Variants in DYNC2LI1 observed in about 807,000 individuals in gnomAD.
DYNC2LI1 encodes cytoplasmic dynein 2 light intermediate chain 1.
In DYNC2LI1, 45 loss-of-function variants were observed where a neutral mutation model predicts 51.9. The observed-to-expected ratio is 0.87, with a 90% CI of 0.68 to 1.11. The LOEUF (loss-of-function observed/expected upper bound fraction) is 1.11, where lower values mean the gene tolerates loss of function less well. Ranked by LOEUF, DYNC2LI1 falls within the 50% of genes most tolerant of loss-of-function variation. DYNC2LI1 has a pLI of 0.00. For synonymous variants in DYNC2LI1, 130 were observed against 137.8 expected, an observed-to-expected ratio of 0.94 and a Z score of 0.40; for missense variants, 490 against 417.4, an observed-to-expected ratio of 1.17 and a Z score of -1.51.
chr2:43,800,196 C>CA (rs1232480117), intron 8 of DYNC2LI1, among the ~76,000 whole-genome samples: 1 of 152,146 alleles, frequency 6.6e-6, no homozygotes, highest in Non-Finnish European at 1.5e-5. Context: ...CATCTGATGT[C>CA]ACAGCTTAAT....
At chr2:43,807,399 G>A (rs909623170) in intron 12 of DYNC2LI1, among the ~76,000 whole-genome samples, 1 of 152,046 alleles carries the variant, frequency 6.6e-6, no homozygotes, top group Non-Finnish European at 1.5e-5. Context: ...AAGGGAATGC[G>A]AATGTGGAAA....
Position 43,794,573 on chromosome 2 carries a change from G to A in DYNC2LI1, c.437G>A (p.Gly146Glu), listed in dbSNP as rs755258671. Residue 146 changes from glycine to glutamate, a missense_variant, in exon 6 of 13, where the codon GGA becomes GAA. Gly to Glu is a moderately conservative substitution (Grantham distance 98, BLOSUM62 -2). Transcript: ENST00000260605. Reference protein sequence around the residue: ...SHVDKVIMKLGKTNAKAVSEM... With the variant: ...SHVDKVIMKLEKTNAKAVSEM... ...GTAGACAAAGTGATAATGAAACTGG[G>A]AAAGACAAATGCTAAAGCAGTTTCT... is the stretch of plus-strand genomic sequence containing the variant. The A allele has an allele frequency of 3.1e-6, 5 of 1,614,086 alleles. No individual in the cohort carries two copies. The Admixed American group carries it at 6.7e-5, about 22-fold the overall frequency.
chr2:43,803,120 C>T (rs150353920), intron 10 of DYNC2LI1, among the ~76,000 whole-genome samples: 201 of 152,180 alleles, frequency 1.3e-3, no homozygotes, highest in African/African-American at 4.4e-3. Context: ...CAGTTTCTTA[C>T]GAAACTAAAC....
intron 5 of DYNC2LI1, among the ~76,000 whole-genome samples, chr2:43,790,398 T>G (rs1380654390): frequency 6.6e-6 from 1 of 152,214 alleles, no homozygotes; most frequent in Admixed American, 6.5e-5. Context: ...ACATAAACCA[T>G]TGCTGCTGCC....
chr2:43,790,325 G>A (rs1033558438), intron 5 of DYNC2LI1, among the ~76,000 whole-genome samples: 1 of 152,198 alleles, frequency 6.6e-6, no homozygotes, highest in African/African-American at 2.4e-5. Context: ...GTGTTCCTGG[G>A]AACTGGTCTT....
At chr2:43,822,582 T>A in the DYNC2LI1 span, 1 of 985,138 alleles carries the variant, frequency 1.0e-6, no homozygotes, top group Non-Finnish European at 1.2e-6. Flanking sequence ...ACATGTCATC[T>A]TGTTGGTTTG....
At chr2:43,778,574 T>C (rs529446548) in intron 2 of DYNC2LI1, among the ~76,000 whole-genome samples, 25 of 152,344 alleles carry the variant, frequency 1.6e-4, no homozygotes, top group African/African-American at 6.0e-4. Flanking sequence ...TTTAAATAAA[T>C]GAGTAAATAA....
At chr2:43,791,765 T>G (rs1673804511) in intron 5 of DYNC2LI1, among the ~76,000 whole-genome samples, 1 of 152,254 alleles carries the variant, frequency 6.6e-6, no homozygotes, top group Non-Finnish European at 1.5e-5. Flanking sequence ...ATCTTTGAAA[T>G]AACTGTTTAT....
rs1572687795 is a variant in DYNC2LI1 at position 43,774,127 on chromosome 2, A to G, written c.-12A>G. ...CGAGCCTGTGACGTTTGCGGCAGCC[A>G]GGCCGTCGACGATGCCCAGGTATTC... On this transcript the variant is annotated 5_prime_UTR_variant, in exon 1 of 13. Coordinates refer to ENST00000260605, the MANE Select transcript of DYNC2LI1 (RefSeq NM_016008.4). 6.2e-7 allele frequency: 1 copy of G among 1,613,946 alleles called. No individual in the cohort carries two copies.
Position 43,809,907 on chromosome 2 carries a change from G to C in DYNC2LI1, c.*140G>C. The C allele has an allele frequency of 1.4e-6, 2 of 1,420,472 alleles. No individual in the cohort carries two copies. The highest frequency in any genetic ancestry group is 2.6e-5 in the East Asian group (1 of 38,272). 88.0% of individuals were successfully genotyped at this position (1,420,472 alleles called of 1,614,324 possible). On this transcript the variant is annotated 3_prime_UTR_variant, in exon 13 of 13. Transcript: ENST00000260605. Reference sequence around the variant, plus strand: ...AGGACAAGCTGGATTTCTTGGACTAGTGCATCTCCCTGTATATCTTGAAGC... The same window carrying C: ...AGGACAAGCTGGATTTCTTGGACTACTGCATCTCCCTGTATATCTTGAAGC...
At chr2:43,798,364 G>A (rs762238156) in intron 8 of DYNC2LI1, among the ~76,000 whole-genome samples, 3 of 152,024 alleles carry the variant, frequency 2.0e-5, no homozygotes, top group South Asian at 2.1e-4. Flanking sequence ...ATTTGCTTAC[G>A]TATTAGGTTG....
chr2:43,820,578 C>T, the DYNC2LI1 span, among the ~76,000 whole-genome samples: 1 of 152,170 alleles, frequency 6.6e-6, no homozygotes, highest in African/African-American at 2.4e-5. Context: ...CTTTTGTCCT[C>T]GATCAGGTTA....
At chr2:43,824,630 G>A in the DYNC2LI1 span, 79 of 985,298 alleles carry the variant, frequency 8.0e-5, no homozygotes, top group Admixed American at 2.5e-4. Flanking sequence ...GATTGTCTGG[G>A]AGAATTCAGA....
At chr2:43,809,524 G>C (rs963920610) in intron 12 of DYNC2LI1, among the ~76,000 whole-genome samples, 181 bp from the exon 13 acceptor site, 8 of 152,304 alleles carry the variant, frequency 5.3e-5, no homozygotes, top group Admixed American at 3.3e-4. Context: ...TCTGAAGACA[G>C]TATTTCTAGA....
chr2:43,798,464 T>C (rs1166597301), intron 8 of DYNC2LI1, among the ~76,000 whole-genome samples: 1 of 152,214 alleles, frequency 6.6e-6, no homozygotes, highest in Non-Finnish European at 1.5e-5. Context: ...GAGGTAAAGA[T>C]CTTGCAGTTA....
chr2:43,789,749 G>T, intron 5 of DYNC2LI1, 28 bp downstream of exon 5: 1 of 1,595,908 alleles, frequency 6.3e-7, no homozygotes, highest in South Asian at 1.1e-5. Context: ...AGGAAAACCT[G>T]TAAGTACACA....
At chr2:43,781,192 C>G (rs1673261472) in intron 2 of DYNC2LI1, among the ~76,000 whole-genome samples, 1 of 151,944 alleles carries the variant, frequency 6.6e-6, no homozygotes, top group Non-Finnish European at 1.5e-5. Flanking sequence ...CATAGTGAAA[C>G]CCCATCTCAA....
chr2:43,801,738 C>G (rs369653347), intron 10 of DYNC2LI1, 29 bp downstream of exon 10: 3 of 1,544,654 alleles, frequency 1.9e-6, no homozygotes, highest in African/African-American at 2.7e-5. Context: ...ATTGTTCAAT[C>G]TTTTTTTAAT....
the DYNC2LI1 span, among the ~76,000 whole-genome samples, chr2:43,817,842 G>C: frequency 2.0e-5 from 3 of 151,750 alleles, no homozygotes; most frequent in Non-Finnish European, 4.4e-5. Flanking sequence ...CATGGGAGGC[G>C]GAGGTTACAG....
Sources: allele counts gnomAD v4.1 joint callset (sites outside exome capture counted in the v4.1 genomes callset), GRCh38; gene constraint gnomAD v4.1.1; transcripts MANE v1.5; gene names NCBI Gene and HGNC (gene_info 2026-07-23, HGNC 2026-07-21).